ZNF346: variants seen among roughly 807,000 people sequenced by gnomAD.
The protein encoded by ZNF346 is zinc finger protein 346.
A neutral mutation model predicts 33.7 loss-of-function variants in ZNF346; 23 were observed. That is an observed-to-expected ratio of 0.68 (90% confidence interval 0.49 to 0.97). ZNF346 has a LOEUF of 0.97. ZNF346 is among the 50% of genes least tolerant of loss of function. The pLI, the probability that ZNF346 is intolerant of heterozygous loss-of-function variation, is 0.00. For synonymous variants in ZNF346, 134 were observed against 142.4 expected (o/e 0.94, Z 0.42); for missense variants, 340 against 371.1 (o/e 0.92, Z 0.69).
Position 177,062,067 on chromosome 5 carries a change from G to T in ZNF346, c.713G>T (p.Gly238Val). ...PAVTDFPAGK[G>V]YPCKTCKIVL... Reference sequence around the variant, plus strand: ...TTTTGATGTGTTTCAGCTGGAAAGGGCTACCCCTGCAAAACATGTAAGATA... The same window carrying T: ...TTTTGATGTGTTTCAGCTGGAAAGGTCTACCCCTGCAAAACATGTAAGATA... The change falls in exon 6 of 7, where the codon GGC becomes GTC. Residue 238 changes from glycine (G) to valine (V), a missense_variant. By Grantham distance (109) the Gly-to-Val change is moderately radical. Coordinates refer to ENST00000358149, the MANE Select transcript of ZNF346 (RefSeq NM_012279.4). The T allele has an allele frequency of 1.2e-6, 2 of 1,613,764 alleles. No individual in the cohort carries two copies. Among genetic ancestry groups the T allele is most frequent in the Non-Finnish European group, 1.7e-6 (2 of 1,179,776 alleles).
chr5:177,075,684 T>G (rs1223378906), intron 8 of ZNF346, among the ~76,000 whole-genome samples: 1 of 148,960 alleles, frequency 6.7e-6, no homozygotes, highest in East Asian at 2.1e-4. Context: ...GCCTGGCTAA[T>G]TTTTTTTTCC....
chr5:177,028,040 CTTTTTTTTTTT>C (rs10682528), intron 1 of ZNF346, among the ~76,000 whole-genome samples: 35 of 33,540 alleles, frequency 1.0e-3, no homozygotes, highest in African/African-American at 4.4e-3. Context: ...CCTTGTGTCA[CTTTTTTTTTTT>C]TTTTTTTTTT....
intron 1 of ZNF346, among the ~76,000 whole-genome samples, chr5:177,025,723 T>G (rs2149573923): frequency 6.6e-6 from 1 of 152,326 alleles, no homozygotes; most frequent in South Asian, 2.1e-4. Context: ...AATTGGGCTG[T>G]TTGTCTTCTA....
intron 8 of ZNF346, chr5:177,079,377 T>G (rs1783895813): frequency 6.6e-6 from 1 of 152,162 alleles, no homozygotes; most frequent in African/African-American, 2.4e-5. Flanking sequence ...TGGCTTCCTT[T>G]GCAGCTAGGG....
chr5:177,042,562 C>T (rs1779473929), intron 3 of ZNF346, among the ~76,000 whole-genome samples: 1 of 151,784 alleles, frequency 6.6e-6, no homozygotes, highest in Non-Finnish European at 1.5e-5. Flanking sequence ...ATTTCAATTC[C>T]TAGTAGATGC....
At chr5:177,058,924 A>G (rs1782118217) in intron 5 of ZNF346, among the ~76,000 whole-genome samples, 1 of 152,200 alleles carries the variant, frequency 6.6e-6, no homozygotes, top group African/African-American at 2.4e-5. Flanking sequence ...TTGTAGAGAC[A>G]GGGTTTCACC....
intron 1 of ZNF346, among the ~76,000 whole-genome samples, chr5:177,033,081 G>A (rs1316071928): frequency 6.6e-6 from 1 of 152,054 alleles, no homozygotes; most frequent in Non-Finnish European, 1.5e-5. Context: ...TGTTTGAGGG[G>A]TTTTTGCTTT....
intron 5 of ZNF346, 139 bp from the exon 6 acceptor site, chr5:177,061,919 C>T (rs1782596011): frequency 1.4e-6 from 1 of 690,708 alleles, no homozygotes; most frequent in East Asian, 2.6e-5. Flanking sequence ...ACTGTGGCCT[C>T]TGGGTTCTCA....
chr5:177,025,105 T>C (rs551552912), intron 1 of ZNF346, among the ~76,000 whole-genome samples: 1 of 152,360 alleles, frequency 6.6e-6, no homozygotes, highest in East Asian at 1.9e-4. Context: ...TTTGAGCTCA[T>C]TTATATTAAA....
intron 1 of ZNF346, among the ~76,000 whole-genome samples, chr5:177,025,995 T>A (rs1044703556): frequency 2.0e-5 from 1 of 49,746 alleles, no homozygotes; most frequent in African/African-American, 5.1e-5. Flanking sequence ...ATTATTATTA[T>A]TATTTTTTTT....
chr5:177,071,577 C>T (rs1581983705), downstream of ZNF346, among the ~76,000 whole-genome samples: 1 of 150,664 alleles, frequency 6.6e-6, no homozygotes, highest in African/African-American at 2.4e-5. Flanking sequence ...TCCCAGCTAC[C>T]GGGAGGCTGA....
intron 4 of ZNF346, among the ~76,000 whole-genome samples, chr5:177,049,911 G>A (rs867497944): frequency 1.3e-5 from 2 of 151,656 alleles, no homozygotes; most frequent in East Asian, 1.9e-4. Context: ...ATCTCGGCTC[G>A]CTGCAACCTC....
chr5:177,023,128 T>C (rs1239954763), intron 1 of ZNF346: 17 of 1,494,910 alleles, frequency 1.1e-5, no homozygotes, highest in Non-Finnish European at 1.5e-5. Context: ...AGGCCCTGGG[T>C]TTTCCTCCTC....
At chr5:177,047,454 TC>T (rs1780235558) in intron 4 of ZNF346, among the ~76,000 whole-genome samples, 1 of 152,038 alleles carries the variant, frequency 6.6e-6, no homozygotes, top group Non-Finnish European at 1.5e-5. Flanking sequence ...TTCTCCTGCT[TC>T]CACCTGCTGA....
In ZNF346 at chr5:177,066,575, A is replaced by T. The variant is rs1783184334; in HGVS notation, c.*1976A>T. On this transcript the variant is annotated 3_prime_UTR_variant, in exon 7 of 7. Coordinates refer to ENST00000358149, the MANE Select transcript of ZNF346 (RefSeq NM_012279.4). ...TTCATGACTCAAAAATGAGCTGAGA[A>T]GGAGTGTTATGGCCAGGTGCGGCGT... Among the ~76,000 whole-genome samples the T allele has an allele frequency of 6.6e-6, 1 of 151,998 alleles. No homozygotes were observed. Among genetic ancestry groups the T allele is most frequent in the African/African-American group, 2.4e-5 (1 of 41,398 alleles).
chr5:177,063,631 G>A (rs939136572), intron 6 of ZNF346, among the ~76,000 whole-genome samples: 3 of 152,154 alleles, frequency 2.0e-5, no homozygotes, highest in Non-Finnish European at 2.9e-5. Flanking sequence ...AGTGTTGTTC[G>A]CTGCTCTCTT....
At chr5:177,076,251 T>G (rs1242165557) in intron 8 of ZNF346, among the ~76,000 whole-genome samples, 1 of 152,240 alleles carries the variant, frequency 6.6e-6, no homozygotes, top group East Asian at 1.9e-4. Flanking sequence ...TAACGTGTTG[T>G]GGGAACACTC....
At chr5:177,022,934 G>A (rs568137977) in intron 1 of ZNF346, 21 bp downstream of exon 1, 7 of 1,452,804 alleles carry the variant, frequency 4.8e-6, no homozygotes, top group East Asian at 5.1e-5. Flanking sequence ...GGCTTTGGAG[G>A]CAGAAAGCCC....
intron 1 of ZNF346, among the ~76,000 whole-genome samples, chr5:177,038,267 T>G (rs12514601): frequency 0.024 from 3,499 of 148,608 alleles, 169 homozygotes; most frequent in East Asian, 0.12. Context: ...TTTTTTTTTT[T>G]TGTGTGTGTG....
Sources: gnomAD v4.1 joint callset for allele counts (sites outside exome capture counted in the v4.1 genomes callset) on GRCh38, gnomAD v4.1.1 for gene constraint, MANE v1.5 for transcripts, NCBI Gene and HGNC (gene_info 2026-07-23, HGNC 2026-07-21) for gene names.